The following BLTP1 variants were observed in gnomAD, a reference collection of about 807,000 sequenced individuals.
The protein encoded by BLTP1 is bridge-like lipid transfer protein family member 1, also known as fragile site-associated protein.
At chr4:122,180,623 T>G in the BLTP1 span, among the ~76,000 whole-genome samples, 51 of 152,338 alleles carry the variant, frequency 3.3e-4, no homozygotes, top group African/African-American at 1.2e-3. Context: ...GTAGAACTGC[T>G]TAAGTCTTCT....
At chr4:122,301,731 G>A in the BLTP1 span, among the ~76,000 whole-genome samples, 10 of 152,048 alleles carry the variant, frequency 6.6e-5, no homozygotes, top group Non-Finnish European at 1.3e-4. Context: ...CCCTTCTGAC[G>A]AACATTTTGT....
the BLTP1 span, chr4:122,243,720 GA>G: frequency 0.014 from 13,097 of 914,372 alleles, no homozygotes; most frequent in South Asian, 0.019. Flanking sequence ...CTATCTCAAA[GA>G]AAAAAAAAAA....
chr4:122,228,255 T>C, the BLTP1 span, among the ~76,000 whole-genome samples: 1 of 152,218 alleles, frequency 6.6e-6, no homozygotes, highest in Non-Finnish European at 1.5e-5. Context: ...ATAATTTACA[T>C]AATTTACAGT....
the BLTP1 span, among the ~76,000 whole-genome samples, chr4:122,280,456 C>T: frequency 6.6e-6 from 1 of 152,050 alleles, no homozygotes; most frequent in South Asian, 2.1e-4. Context: ...TGTCTGTAGC[C>T]TTTGTTCATA....
chr4:122,286,621 A>C, the BLTP1 span: 1 of 1,614,108 alleles, frequency 6.2e-7, no homozygotes, highest in Non-Finnish European at 8.5e-7. Flanking sequence ...AGATATGTCA[A>C]CCATTCCTCC....
At chr4:122,159,709 G>A in the BLTP1 span, among the ~76,000 whole-genome samples, 2 of 152,098 alleles carry the variant, frequency 1.3e-5, no homozygotes, top group Non-Finnish European at 1.5e-5. Context: ...GGAAGAGATG[G>A]CCATCCTACT....
the BLTP1 span, among the ~76,000 whole-genome samples, chr4:122,330,653 C>T: frequency 6.6e-6 from 1 of 151,898 alleles, no homozygotes; most frequent in African/African-American, 2.4e-5. Flanking sequence ...TATTTTCTCC[C>T]ATTCCATGGG....
the BLTP1 span, chr4:122,260,057 ACAT>A: frequency 3.1e-6 from 1 of 325,534 alleles, no homozygotes; most frequent in Non-Finnish European, 4.4e-6. Context: ...CATTGTGTAA[ACAT>A]CATAGCCTGT....
chr4:122,188,888 T>C, the BLTP1 span: 1 of 926,218 alleles, frequency 1.1e-6, no homozygotes, highest in African/African-American at 1.8e-5. Flanking sequence ...TTGTAACTCT[T>C]GGCTGGCCTG....
At chr4:122,176,801 T>C in the BLTP1 span, among the ~76,000 whole-genome samples, 1 of 152,214 alleles carries the variant, frequency 6.6e-6, no homozygotes, top group Non-Finnish European at 1.5e-5. Flanking sequence ...TGGCCTGTGT[T>C]CCCTCCTGTT....
At chr4:122,259,507 TG>T in the BLTP1 span, among the ~76,000 whole-genome samples, 2 of 152,198 alleles carry the variant, frequency 1.3e-5, no homozygotes, top group Non-Finnish European at 2.9e-5. Context: ...TGCTAGTTAT[TG>T]TTGTTGGTGG....
At chr4:122,318,354 T>A in the BLTP1 span, 1 of 1,019,830 alleles carries the variant, frequency 9.8e-7, no homozygotes, top group Non-Finnish European at 1.5e-6. Context: ...AGGTACCATC[T>A]AAAGCACGTT....
the BLTP1 span, chr4:122,336,859 C>A: frequency 1.3e-6 from 2 of 1,585,360 alleles, no homozygotes; most frequent in South Asian, 2.3e-5. Context: ...AATAATAAAA[C>A]TTAACCAAAT....
At chr4:122,200,932 T>C in the BLTP1 span, 1 of 1,546,050 alleles carries the variant, frequency 6.5e-7, no homozygotes, top group Non-Finnish European at 8.7e-7. Context: ...CTAGCGTGTG[T>C]AACTTCATTT....
the BLTP1 span, chr4:122,240,243 A>G: frequency 1.4e-5 from 23 of 1,614,028 alleles, no homozygotes; most frequent in Admixed American, 1.7e-5. Context: ...TAAGCACCCA[A>G]CCAACAAAAG....
At chr4:122,341,888 T>TG in the BLTP1 span, 23 of 836,690 alleles carry the variant, frequency 2.7e-5, no homozygotes, top group South Asian at 3.8e-4. Flanking sequence ...AGCAGAGAAC[T>TG]GGGGGAATGG....
At chr4:122,306,682 A>G in the BLTP1 span, 1 of 948,700 alleles carries the variant, frequency 1.1e-6, no homozygotes, top group Admixed American at 6.2e-5. Flanking sequence ...GAGAATAAGA[A>G]TGAATGTGTT....
At chr4:122,227,538 G>A in the BLTP1 span, 26 of 901,438 alleles carry the variant, frequency 2.9e-5, no homozygotes, top group Non-Finnish European at 3.5e-5. Flanking sequence ...ACTTACCCTG[G>A]TTCTACAACA....
the BLTP1 span, chr4:122,264,143 T>A: frequency 7.5e-7 from 1 of 1,327,858 alleles, no homozygotes; most frequent in Non-Finnish European, 9.7e-7. Flanking sequence ...TTAATCAGTC[T>A]TGAAATGGTA....
Sources: allele counts gnomAD v4.1 joint callset (sites outside exome capture counted in the v4.1 genomes callset), GRCh38; gene constraint gnomAD v4.1.1; transcripts MANE v1.5; gene names NCBI Gene and HGNC (gene_info 2026-07-23, HGNC 2026-07-21).